The following MCF2L variants were observed in gnomAD, a reference collection of about 807,000 sequenced individuals.
MCF2L encodes MCF.2 cell line derived transforming sequence like.
A neutral mutation model predicts 153.4 loss-of-function variants in MCF2L; 97 were observed. The ratio of observed to expected loss-of-function variants is 0.63; its 90% CI spans 0.54 to 0.75. The LOEUF (loss-of-function observed/expected upper bound fraction) is 0.75, where lower values mean the gene tolerates loss of function less well. Among genes scored for constraint, MCF2L ranks in the 30% least tolerant of loss-of-function variants. MCF2L has a pLI of 0.00. For missense variants in MCF2L, 1,347 were observed against 1,495.2 expected (o/e 0.90, Z 1.64); for synonymous variants, 659 against 632.2 (o/e 1.04, Z -0.64).
chr13:113,086,207 C>G lies in MCF2L; in HGVS notation c.2331C>G (p.Ala777=), dbSNP rs750886792. The change falls in exon 21 of 30, where the codon GCC becomes GCG. Residue 777 remains alanine (A), a synonymous_variant. Transcript: ENST00000535094. ...GCTCCATCCTGGGCATCCTGAAGGC[C>G]GTGAACGACTCCATGCACCTCATCG... ...ALSSILGILK[A]VNDSMHLIAI... 9.9e-6 allele frequency: 16 copies of G among 1,610,766 alleles called. No homozygotes were observed. Among genetic ancestry groups the G allele is most frequent in the African/African-American group, 1.3e-5 (1 of 74,690 alleles).
chr13:112,905,642 G>A (rs1327463883), intron 2 of MCF2L, among the ~76,000 whole-genome samples: 1 of 152,188 alleles, frequency 6.6e-6, no homozygotes, highest in East Asian at 1.9e-4. Context: ...ACTCTAGGGA[G>A]CTCATGTAAC....
At chr13:112,952,377 T>TG (rs1190829070) in intron 2 of MCF2L, among the ~76,000 whole-genome samples, 1 of 152,146 alleles carries the variant, frequency 6.6e-6, no homozygotes, top group African/African-American at 2.4e-5. Context: ...AGTGGCAGGT[T>TG]TGTTTTCTGG....
rs368815727 is a variant in MCF2L at position 113,086,281 on chromosome 13, C to T, written c.2373+32C>T. Reference sequence around the variant, plus strand: ...CGCCCAGATGCCCGGTCTTCCCCGCCGCCTCCGTGGAATACACCAGCCCAG... The same window carrying T: ...CGCCCAGATGCCCGGTCTTCCCCGCTGCCTCCGTGGAATACACCAGCCCAG... On this transcript the variant is annotated intron_variant, in intron 21 of 29. Coordinates refer to ENST00000535094, the MANE Select transcript of MCF2L (RefSeq NM_001112732.3). 33 of 1,605,412 alleles carry T rather than the reference C, an allele frequency of 2.1e-5. No individual in the cohort carries two copies. The African/African-American group carries it at 2.6e-4, about 12-fold the overall frequency.
At chr13:112,927,590 C>T (rs181976060) in intron 2 of MCF2L, among the ~76,000 whole-genome samples, 150 of 152,306 alleles carry the variant, frequency 9.8e-4, no homozygotes, top group Non-Finnish European at 1.1e-3. Context: ...ACAGTCAATT[C>T]CACAGCCTCT....
Position 113,046,258 on chromosome 13 carries a change from A to G in MCF2L, c.369+897A>G, listed in dbSNP as rs2086807725. 1 of 222,902 alleles carries G rather than the reference A, an allele frequency of 4.5e-6. No individual in the cohort carries two copies. 13.8% of individuals were successfully genotyped at this position (222,902 alleles called of 1,614,324 possible). On this transcript the variant is annotated intron_variant, in intron 4 of 29. Coordinates refer to ENST00000535094, the MANE Select transcript of MCF2L (RefSeq NM_001112732.3). The surrounding 1 kb of genome is among the most constrained non-coding windows in gnomAD (Gnocchi z 4.4). Reference sequence around the variant, plus strand: ...AAATTTCATTGCTGCCAAAGGACCAAAAAAGGCTGCCTGTCTGCCAAGAGG... The same window carrying G: ...AAATTTCATTGCTGCCAAAGGACCAGAAAAGGCTGCCTGTCTGCCAAGAGG...
intron 2 of MCF2L, among the ~76,000 whole-genome samples, chr13:112,947,404 A>C (rs541205707): frequency 6.6e-6 from 1 of 152,212 alleles, no homozygotes; most frequent in Non-Finnish European, 1.5e-5. Flanking sequence ...CCTCTAAATA[A>C]GGTGTGACTG....
chr13:113,045,267 G>C lies in MCF2L; in HGVS notation c.279-4G>C. 1 of 1,613,060 alleles carries C rather than the reference G, an allele frequency of 6.2e-7. No individual in the cohort carries two copies. Among genetic ancestry groups the C allele is most frequent in the Middle Eastern group, 1.7e-4 (1 of 6,058 alleles). On this transcript the variant is annotated splice_region_variant and splice_polypyrimidine_tract_variant and intron_variant, in intron 3 of 29. Coordinates refer to ENST00000535094, the MANE Select transcript of MCF2L (RefSeq NM_001112732.3). This position sits in a 1 kb window ranked among gnomAD's most constrained non-coding sequence, Gnocchi z 4.2. ...TTAACGGCGGCGTCTCTTCCTCACT[G>C]CAGCCTGCAGGACGCTGGCATCGGA...
chr13:113,021,943 C>T (rs965968134), intron 2 of MCF2L, among the ~76,000 whole-genome samples: 1 of 152,324 alleles, frequency 6.6e-6, no homozygotes, highest in Middle Eastern at 3.4e-3. Context: ...CGAGGCTGTG[C>T]GGCCCAGGCC....
intron 3 of MCF2L, chr13:113,026,838 A>G: frequency 1.5e-6 from 1 of 673,098 alleles, no homozygotes; most frequent in Non-Finnish European, 2.7e-6. Flanking sequence ...TCCTCTGAAA[A>G]GGTAGGGAGC....
intron 20 of MCF2L, 52 bp from the exon 21 acceptor site, chr13:113,086,072 G>A: frequency 5.8e-6 from 9 of 1,563,908 alleles, no homozygotes; most frequent in Non-Finnish European, 7.8e-6. Flanking sequence ...TGTTCCAGGG[G>A]AGCCAGGGCT....
At position 113,064,217 on chromosome 13, in the gene MCF2L, T is replaced by A; in HGVS notation, c.490-87T>A. On this transcript the variant is annotated intron_variant, in intron 5 of 29. Coordinates refer to ENST00000535094, the MANE Select transcript of MCF2L (RefSeq NM_001112732.3). This position sits in a 1 kb window ranked among gnomAD's most constrained non-coding sequence, Gnocchi z 6.0. ...ATCCAGGCAGACGTGGTCCTCTCTG[T>A]GCTGCTGGGTGTTCTGCTGATGGGG... 1.0e-6 allele frequency: 1 copy of A among 979,082 alleles called. No individual in the cohort carries two copies. Among genetic ancestry groups the A allele is most frequent in the South Asian group, 1.3e-5 (1 of 76,698 alleles). 60.6% of individuals were successfully genotyped at this position (979,082 alleles called of 1,614,324 possible).
intron 2 of MCF2L, among the ~76,000 whole-genome samples, chr13:113,021,820 T>C (rs1396878353): frequency 6.8e-6 from 1 of 146,282 alleles, no homozygotes; most frequent in Non-Finnish European, 1.5e-5. Context: ...CACTCCTGAC[T>C]TGGGAAGAAA....
intron 2 of MCF2L, among the ~76,000 whole-genome samples, chr13:113,023,446 C>T (rs1230702858): frequency 6.6e-6 from 1 of 152,114 alleles, no homozygotes; most frequent in Non-Finnish European, 1.5e-5. Flanking sequence ...TTGGCCAAGA[C>T]CCAGAAGCAG....
chr13:113,005,834 G>A lies in MCF2L; in HGVS notation c.80-8929G>A, dbSNP rs556680115. ...AACGTGAACTATATCAAAACAGCACGTGTGCGCCTTAAATACATACAATTA... is the reference window on the plus strand; with the variant it reads ...AACGTGAACTATATCAAAACAGCACATGTGCGCCTTAAATACATACAATTA... On this transcript the variant is annotated intron_variant, in intron 1 of 29. Transcript: ENST00000535094. Among the ~76,000 whole-genome samples the A allele has an allele frequency of 8.5e-5, 13 of 152,344 alleles. 1 individual carries two copies. The highest frequency in any genetic ancestry group is 2.1e-4 in the South Asian group (1 of 4,824).
intron 9 of MCF2L, among the ~76,000 whole-genome samples, chr13:113,071,299 A>G (rs1442380267): frequency 2.6e-5 from 4 of 152,122 alleles, no homozygotes; most frequent in African/African-American, 9.7e-5. Flanking sequence ...TATACTGCAG[A>G]TACTAGTTCT....
At chr13:112,962,282 C>T (rs1205558562) in intron 2 of MCF2L, among the ~76,000 whole-genome samples, 1 of 152,202 alleles carries the variant, frequency 6.6e-6, no homozygotes, top group Non-Finnish European at 1.5e-5. Flanking sequence ...CACAGATGCT[C>T]ACACACGCAT....
At chr13:113,093,226 C>G (rs1170282155) in intron 26 of MCF2L, among the ~76,000 whole-genome samples, 1 of 152,250 alleles carries the variant, frequency 6.6e-6, no homozygotes, top group African/African-American at 2.4e-5. Context: ...GGGGCAGCTG[C>G]AGGTGCACTC....
chr13:112,982,089 TGG>T (rs2082452600), intron 1 of MCF2L, among the ~76,000 whole-genome samples: 1 of 151,822 alleles, frequency 6.6e-6, no homozygotes, highest in Non-Finnish European at 1.5e-5. Flanking sequence ...GGTCGGGCAG[TGG>T]GGGCCCCAGC....
intron 16 of MCF2L, among the ~76,000 whole-genome samples, chr13:113,081,562 C>A (rs560182415): frequency 6.6e-6 from 1 of 152,366 alleles, no homozygotes; most frequent in Non-Finnish European, 1.5e-5. Flanking sequence ...ACATCGTCAC[C>A]AACACAGGCC....
Sources: allele counts gnomAD v4.1 joint callset (sites outside exome capture counted in the v4.1 genomes callset), GRCh38; gene constraint gnomAD v4.1.1; non-coding constraint Gnocchi (gnomAD v3.1); transcripts MANE v1.5; gene names NCBI Gene and HGNC (gene_info 2026-07-23, HGNC 2026-07-21).